Variants in IL34 observed in about 807,000 individuals in gnomAD.
IL34 encodes interleukin-34.
A neutral mutation model predicts 25.3 loss-of-function variants in IL34; 17 were observed. That is an observed-to-expected ratio of 0.67 (90% CI 0.46 to 1.01). IL34 has a LOEUF of 1.01. Ranked by LOEUF, IL34 falls within the 50% of genes least tolerant of loss-of-function variation. The pLI, the probability that IL34 is intolerant of heterozygous loss-of-function variation, is 0.00. For missense variants in IL34, 368 were observed against 312.9 expected (o/e 1.18, Z -1.33); for synonymous variants, 174 against 140.9 (o/e 1.23, Z -1.66).
chr16:70,657,906 T>A (rs1020274935), intron 4 of IL34, among the ~76,000 whole-genome samples: 4 of 152,266 alleles, frequency 2.6e-5, no homozygotes, highest in Non-Finnish European at 5.9e-5. Context: ...GGACTTTAGT[T>A]AATTAAAAAA....
chr16:70,621,284 C>A (rs1477718299), intron 1 of IL34, among the ~76,000 whole-genome samples: 1 of 152,118 alleles, frequency 6.6e-6, no homozygotes, highest in Non-Finnish European at 1.5e-5. Flanking sequence ...GGGAAGGCTG[C>A]CTTCCCAGTC....
intron 2 of IL34, 125 bp downstream of exon 2, chr16:70,654,796 C>A: frequency 4.8e-6 from 6 of 1,243,116 alleles, no homozygotes; most frequent in Non-Finnish European, 6.6e-6. Flanking sequence ...TGGCCTGTTT[C>A]TCTGCCTTTC....
chr16:70,639,600 G>T (rs967945605), intron 1 of IL34, among the ~76,000 whole-genome samples: 1 of 137,120 alleles, frequency 7.3e-6, no homozygotes, highest in Admixed American at 7.2e-5. Context: ...ACACAGCACC[G>T]CTTGTATCGT....
rs1487856401 is a variant in IL34 at position 70,659,748 on chromosome 16, C to T, written c.533C>T (p.Ser178Phe). Reference protein sequence around the residue: ...CFRVMELLYCSCCKQSSVLNW... With the variant: ...CFRVMELLYCFCCKQSSVLNW... ...CGGGTCATGGAGCTGCTGTACTGCT[C>T]CTGCTGTAAGGAGCTCTCAGGGGAT... is the stretch of plus-strand genomic sequence containing the variant. The change falls in exon 5 of 6, where the codon TCC becomes TTC. Residue 178 changes from serine to phenylalanine, a missense_variant. Physicochemically the swap from Ser to Phe is radical, Grantham distance 155. Transcript: ENST00000288098. 8.7e-6 allele frequency: 14 copies of T among 1,600,628 alleles called. No individual in the cohort carries two copies. Among genetic ancestry groups the T allele is most frequent in the African/African-American group, 1.3e-5 (1 of 74,816 alleles).
At chr16:70,629,432 A>G (rs2051467766) in intron 1 of IL34, among the ~76,000 whole-genome samples, 1 of 152,160 alleles carries the variant, frequency 6.6e-6, no homozygotes. Context: ...GTCCTTTTGT[A>G]TACTTGCGGA....
At chr16:70,595,829 T>C (rs2050814412) in intron 1 of IL34, among the ~76,000 whole-genome samples, 1 of 151,798 alleles carries the variant, frequency 6.6e-6, no homozygotes, top group Admixed American at 6.6e-5. Context: ...TGGGCCAACA[T>C]GGTGAAACCC....
At chr16:70,633,156 G>A (rs2051557724) in intron 1 of IL34, among the ~76,000 whole-genome samples, 1 of 149,498 alleles carries the variant, frequency 6.7e-6, no homozygotes, top group Non-Finnish European at 1.5e-5. Context: ...GTAGAGACAG[G>A]GTTTCGCCAT....
chr16:70,581,712 G>A (rs1487283540), intron 1 of IL34, among the ~76,000 whole-genome samples: 1 of 152,196 alleles, frequency 6.6e-6, no homozygotes, highest in Admixed American at 6.5e-5. Context: ...TTTGTATGCA[G>A]TAGCTGCCTG....
chr16:70,602,627 G>A (rs933554164), intron 1 of IL34, among the ~76,000 whole-genome samples: 1 of 150,040 alleles, frequency 6.7e-6, no homozygotes, highest in Non-Finnish European at 1.5e-5. Context: ...GTGTGTGTTT[G>A]TGTTGGGCGA....
At chr16:70,608,066 C>A (rs1299601864) in intron 1 of IL34, among the ~76,000 whole-genome samples, 3 of 151,286 alleles carry the variant, frequency 2.0e-5, no homozygotes, top group Non-Finnish European at 4.4e-5. Flanking sequence ...CCTTGCCCGG[C>A]CGGTTTTTCT....
intron 1 of IL34, among the ~76,000 whole-genome samples, chr16:70,621,770 TAC>T (rs1439683479): frequency 6.6e-6 from 1 of 151,850 alleles, no homozygotes; most frequent in Non-Finnish European, 1.5e-5. Context: ...AAAGGAAAAT[TAC>T]AGTCAAAGAG....
At chr16:70,591,811 C>T (rs2050758300) in intron 1 of IL34, among the ~76,000 whole-genome samples, 1 of 152,178 alleles carries the variant, frequency 6.6e-6, no homozygotes, top group African/African-American at 2.4e-5. Context: ...TTAAGTCATG[C>T]CTAGGAGCCT....
At chr16:70,599,609 C>T (rs2050886089) in intron 1 of IL34, among the ~76,000 whole-genome samples, 1 of 150,964 alleles carries the variant, frequency 6.6e-6, no homozygotes, top group South Asian at 2.1e-4. Context: ...TCCTGACCTT[C>T]AGGTGATCGC....
intron 1 of IL34, among the ~76,000 whole-genome samples, chr16:70,628,783 G>C (rs948463602): frequency 7.0e-6 from 1 of 141,886 alleles, no homozygotes; most frequent in African/African-American, 2.7e-5. Context: ...CATCACACCT[G>C]GTCTTTTTTT....
At chr16:70,636,133 GGTTCAA>G (rs1394530542) in intron 1 of IL34, among the ~76,000 whole-genome samples, 2 of 151,926 alleles carry the variant, frequency 1.3e-5, no homozygotes, top group Non-Finnish European at 2.9e-5. Context: ...TCACCTCCCA[GGTTCAA>G]GTAATTCTCT....
At chr16:70,601,408 G>T (rs1318010627) in intron 1 of IL34, among the ~76,000 whole-genome samples, 1 of 152,008 alleles carries the variant, frequency 6.6e-6, no homozygotes, top group Non-Finnish European at 1.5e-5. Context: ...AGCCTAGCCT[G>T]ATTCCTTCTT....
At chr16:70,607,956 C>CG (rs933979133) in intron 1 of IL34, among the ~76,000 whole-genome samples, 11 of 151,596 alleles carry the variant, frequency 7.3e-5, no homozygotes, top group Admixed American at 5.9e-4. Flanking sequence ...TTAGTAGAGA[C>CG]GGGGTTTTGC....
intron 1 of IL34, among the ~76,000 whole-genome samples, chr16:70,648,332 G>A (rs1483223691): frequency 6.6e-6 from 1 of 152,120 alleles, no homozygotes; most frequent in Non-Finnish European, 1.5e-5. Context: ...AAGGCAGGAG[G>A]ACGGCTTGAG....
intron 1 of IL34, among the ~76,000 whole-genome samples, chr16:70,590,149 C>T (rs1033811943): frequency 6.6e-6 from 1 of 152,158 alleles, no homozygotes; most frequent in Non-Finnish European, 1.5e-5. Flanking sequence ...AAGCTGCTCA[C>T]GGCGGGAGAG....
Sources: allele counts gnomAD v4.1 joint callset (sites outside exome capture counted in the v4.1 genomes callset), GRCh38; gene constraint gnomAD v4.1.1; transcripts MANE v1.5; gene names NCBI Gene and HGNC (gene_info 2026-07-23, HGNC 2026-07-21).